The following TSHZ2 variants were observed in gnomAD, a reference collection of about 807,000 sequenced individuals.
TSHZ2 encodes the protein teashirt zinc finger homeobox 2, also known as teashirt homolog 2.
TSHZ2 carries 21 observed loss-of-function variants against 74.4 expected under a neutral mutation model. The ratio of observed to expected loss-of-function variants is 0.28; its 90% CI spans 0.20 to 0.41. The LOEUF (loss-of-function observed/expected upper bound fraction) is 0.41. TSHZ2 is among the 10% of genes least tolerant of loss of function. TSHZ2 has a pLI of 1.00. For missense variants in TSHZ2, 1,244 were observed against 1,293.5 expected (o/e 0.96, Z 0.59); for synonymous variants, 540 against 515.3 (o/e 1.05, Z -0.65).
chr20:53,186,397 A>C (rs1025585411), intron 1 of TSHZ2, among the ~76,000 whole-genome samples: 1 of 152,174 alleles, frequency 6.6e-6, no homozygotes, highest in Non-Finnish European at 1.5e-5. Flanking sequence ...ACTTTCAAAA[A>C]CCCACTGCAA....
At chr20:53,203,151 C>T (rs1286052808) in intron 1 of TSHZ2, among the ~76,000 whole-genome samples, 3 of 151,716 alleles carry the variant, frequency 2.0e-5, no homozygotes, top group African/African-American at 7.3e-5. Context: ...AAATGAAGTT[C>T]ACAGGTGCAA....
intron 1 of TSHZ2, among the ~76,000 whole-genome samples, chr20:53,059,682 A>G (rs1568740557): frequency 6.6e-6 from 1 of 152,140 alleles, no homozygotes; most frequent in Admixed American, 6.5e-5. Flanking sequence ...TTTGAGATTT[A>G]TTTTGAGGAC....
chr20:52,988,656 C>A (rs1981862360), intron 1 of TSHZ2, among the ~76,000 whole-genome samples: 1 of 151,810 alleles, frequency 6.6e-6, no homozygotes, highest in South Asian at 2.1e-4. Flanking sequence ...AAACTTGAGC[C>A]TATGAAGAAA....
intron 1 of TSHZ2, among the ~76,000 whole-genome samples, chr20:53,052,623 AT>A (rs1568737701): frequency 6.6e-6 from 1 of 152,166 alleles, no homozygotes; most frequent in South Asian, 2.1e-4. Flanking sequence ...ATGTATCAGA[AT>A]TTTTTTCTTC....
Position 53,127,521 on chromosome 20 carries a change from C to T in TSHZ2, c.41-125978C>T, listed in dbSNP as rs142339806. ...AGGAGCTTGAGATGAGCCTAGGCAA[C>T]GTATTGAGACCCTGTCTCCAAAAAA... On this transcript the variant is annotated intron_variant, in intron 1 of 2. Transcript: ENST00000371497. Among the ~76,000 whole-genome samples, 100 of 152,224 alleles carry T rather than the reference C, an allele frequency of 6.6e-4. No individual in the cohort carries two copies. The East Asian group carries it at 0.018, about 27-fold the overall frequency.
At chr20:53,247,586 A>G (rs1319379038) in intron 1 of TSHZ2, among the ~76,000 whole-genome samples, 2 of 152,184 alleles carry the variant, frequency 1.3e-5, no homozygotes, top group African/African-American at 4.8e-5. Flanking sequence ...CCCAAACACT[A>G]GAGACTCATG....
intron 1 of TSHZ2, among the ~76,000 whole-genome samples, chr20:53,010,100 A>G (rs1982795452): frequency 6.6e-6 from 1 of 152,022 alleles, no homozygotes; most frequent in African/African-American, 2.4e-5. Flanking sequence ...CTCGTATGTA[A>G]ATACTGAGAA....
chr20:53,223,517 A>T (rs902935945), intron 1 of TSHZ2, among the ~76,000 whole-genome samples: 1 of 152,108 alleles, frequency 6.6e-6, no homozygotes, highest in Non-Finnish European at 1.5e-5. Flanking sequence ...TCTGCCTCCC[A>T]GATAGCTGGG....
At chr20:53,033,202 C>T (rs1169437680) in intron 1 of TSHZ2, among the ~76,000 whole-genome samples, 1 of 152,198 alleles carries the variant, frequency 6.6e-6, no homozygotes, top group Non-Finnish European at 1.5e-5. Context: ...CATAGTAAAA[C>T]TGATTCTTGC....
intron 1 of TSHZ2, among the ~76,000 whole-genome samples, chr20:52,974,359 C>T (rs1981248685): frequency 6.6e-6 from 1 of 152,178 alleles, no homozygotes; most frequent in Non-Finnish European, 1.5e-5. Context: ...ACCATGGTAA[C>T]TCAGAGTGCC....
intron 1 of TSHZ2, among the ~76,000 whole-genome samples, chr20:53,001,232 G>GTGTGTGTA (rs1982422377): frequency 7.4e-6 from 1 of 135,286 alleles, no homozygotes; most frequent in African/African-American, 2.8e-5. Context: ...GTGTGTGTGT[G>GTGTGTGTA]TGTGTGTGTG....
chr20:53,049,120 G>A (rs995199099), intron 1 of TSHZ2, among the ~76,000 whole-genome samples: 14 of 152,152 alleles, frequency 9.2e-5, no homozygotes, highest in African/African-American at 3.4e-4. Context: ...AAGGGCGTCA[G>A]GCCCTTTGTA....
intron 2 of TSHZ2, among the ~76,000 whole-genome samples, chr20:53,392,213 G>A (rs1391582006): frequency 6.6e-6 from 1 of 152,172 alleles, no homozygotes; most frequent in Non-Finnish European, 1.5e-5. Flanking sequence ...CCAGCACCAA[G>A]GCAGGTGGAT....
At chr20:53,412,559 CG>C (rs1983090763) in intron 2 of TSHZ2, 1 of 152,348 alleles carries the variant, frequency 6.6e-6, no homozygotes, top group African/African-American at 2.4e-5. Context: ...TGGGCACTCA[CG>C]GGTTCTGTGG....
chr20:53,294,675 G>C (rs1991342497), intron 2 of TSHZ2, among the ~76,000 whole-genome samples: 1 of 152,152 alleles, frequency 6.6e-6, no homozygotes, highest in Non-Finnish European at 1.5e-5. Context: ...TAATTGAGAG[G>C]AGCCTGGAAA....
chr20:53,401,518 A>G (rs1982657343), intron 2 of TSHZ2, among the ~76,000 whole-genome samples: 1 of 151,462 alleles, frequency 6.6e-6, no homozygotes, highest in South Asian at 2.1e-4. Context: ...ACTATACACA[A>G]TGTGTGGTTC....
chr20:53,218,581 T>A (rs1239460118), intron 1 of TSHZ2, among the ~76,000 whole-genome samples: 1 of 152,154 alleles, frequency 6.6e-6, no homozygotes, highest in Non-Finnish European at 1.5e-5. Flanking sequence ...AGCTATGTTG[T>A]TGCCACCTCT....
chr20:53,284,441 C>T (rs1034268843), intron 2 of TSHZ2, among the ~76,000 whole-genome samples: 6 of 152,176 alleles, frequency 3.9e-5, no homozygotes, highest in Admixed American at 3.3e-4. Context: ...AATCTCCCGT[C>T]AATCTGTCAT....
intron 2 of TSHZ2, among the ~76,000 whole-genome samples, chr20:53,411,426 C>T (rs1292656394): frequency 1.3e-5 from 2 of 152,202 alleles, no homozygotes; most frequent in Non-Finnish European, 2.9e-5. Flanking sequence ...AAGAGCAGAG[C>T]TTTAGAATCT....
Sources: allele counts gnomAD v4.1 joint callset (sites outside exome capture counted in the v4.1 genomes callset), GRCh38; gene constraint gnomAD v4.1.1; transcripts MANE v1.5; gene names NCBI Gene and HGNC (gene_info 2026-07-23, HGNC 2026-07-21).